Variants in TOM1L1 observed in about 807,000 individuals in gnomAD.
The protein encoded by TOM1L1 is TOM1-like protein 1.
In TOM1L1, 64 loss-of-function variants were observed where a neutral mutation model predicts 63.4. That is an observed-to-expected ratio of 1.01 (90% CI 0.83 to 1.24). TOM1L1 has a LOEUF of 1.24. Among genes scored for constraint, TOM1L1 ranks in the 50% most tolerant of loss-of-function variants. The probability of loss-of-function intolerance (pLI) is 0.00; values close to 1 mark genes in which losing one functional copy is unlikely to be tolerated. For synonymous variants in TOM1L1, 166 were observed against 194.4 expected (o/e 0.85, Z 1.22); for missense variants, 536 against 567.0 (o/e 0.95, Z 0.55).
chr17:54,953,544 C>T (rs537257711), intron 14 of TOM1L1: 1 of 152,426 alleles, frequency 6.6e-6, no homozygotes, highest in South Asian at 2.1e-4. Context: ...CCTTCCCTCT[C>T]TGGGGATGAT....
At chr17:54,931,957 TTTGTTTG>T (rs142467175) in intron 8 of TOM1L1, among the ~76,000 whole-genome samples, 41,472 of 120,316 alleles carry the variant, frequency 0.34, 5,761 homozygotes, top group East Asian at 0.4. Context: ...TCGTTTTTTT[TTTGTTTG>T]TTTGTTTGTT....
At chr17:54,929,360 T>C (rs889548093) in intron 7 of TOM1L1, among the ~76,000 whole-genome samples, 53 of 151,120 alleles carry the variant, frequency 3.5e-4, no homozygotes. Context: ...TGTAGATGGC[T>C]CTGATGCTTA....
At chr17:54,920,750 G>GA (rs2048670460) in intron 7 of TOM1L1, among the ~76,000 whole-genome samples, 1 of 152,082 alleles carries the variant, frequency 6.6e-6, no homozygotes, top group Non-Finnish European at 1.5e-5. Context: ...GTCAAGGCCA[G>GA]AAAAAAGGAC....
rs1344479772 is a variant in TOM1L1, at chr17:54,930,055, C to G, written c.721-18C>G. ...GTTCCAAGTGTGGAAGAAGAAATCT[C>G]TCTCCTTTCTTTGACAGAAACTCTA... is the stretch of plus-strand genomic sequence containing the variant. On this transcript the variant is annotated intron_variant, in intron 7 of 15. Coordinates refer to ENST00000575882, the MANE Select transcript of TOM1L1 (RefSeq NM_005486.3). 31 of 1,613,744 alleles carry G rather than the reference C, an allele frequency of 1.9e-5. No individual in the cohort carries two copies. The highest frequency in any genetic ancestry group is 2.5e-5 in the Non-Finnish European group (29 of 1,179,874).
At chr17:54,953,472 T>C (rs1225153991) in intron 14 of TOM1L1, 1 of 152,346 alleles carries the variant, frequency 6.6e-6, no homozygotes, top group East Asian at 1.9e-4. Flanking sequence ...GGGAGCCCCA[T>C]GTCCCCATCC....
At chr17:54,903,874 G>C in intron 2 of TOM1L1, 82 bp downstream of exon 2, 1 of 1,317,186 alleles carries the variant, frequency 7.6e-7, no homozygotes, top group Non-Finnish European at 1.1e-6. Flanking sequence ...CAAATATTTC[G>C]GTTTTGTTGT....
chr17:54,908,448 A>T (rs949188981), intron 3 of TOM1L1, among the ~76,000 whole-genome samples: 1 of 152,246 alleles, frequency 6.6e-6, no homozygotes, highest in Non-Finnish European at 1.5e-5. Flanking sequence ...GGAGTCACCT[A>T]TGTCTGTCAA....
chr17:54,959,361 C>A (rs987926512), intron 14 of TOM1L1: 1 of 152,050 alleles, frequency 6.6e-6, no homozygotes, highest in Non-Finnish European at 1.5e-5. Context: ...GCCTCTAATC[C>A]CAACATTTTG....
chr17:54,910,769 T>C (rs1162302059), intron 3 of TOM1L1, among the ~76,000 whole-genome samples: 10 of 152,262 alleles, frequency 6.6e-5, no homozygotes, highest in Admixed American at 3.9e-4. Flanking sequence ...GTTTTCCCTG[T>C]GTTTCACACA....
At chr17:54,946,386 T>C (rs190382319) in intron 11 of TOM1L1, among the ~76,000 whole-genome samples, 6 of 152,206 alleles carry the variant, frequency 3.9e-5, no homozygotes, top group Non-Finnish European at 7.3e-5. Context: ...AGTTACCCTA[T>C]GATACCACAC....
chr17:54,943,431 T>C (rs2143928091), intron 11 of TOM1L1, among the ~76,000 whole-genome samples: 1 of 144,882 alleles, frequency 6.9e-6, no homozygotes, highest in Admixed American at 7.2e-5. Flanking sequence ...TGACTGTATC[T>C]TTGTATAATG....
chr17:54,932,315 C>T (rs902836587), intron 8 of TOM1L1, among the ~76,000 whole-genome samples: 1 of 152,106 alleles, frequency 6.6e-6, no homozygotes, highest in African/African-American at 2.4e-5. Flanking sequence ...TAGATCGGAA[C>T]AAAACAGGAT....
At chr17:54,920,387 A>G (rs2048664635) in intron 7 of TOM1L1, among the ~76,000 whole-genome samples, 1 of 152,186 alleles carries the variant, frequency 6.6e-6, no homozygotes, top group Non-Finnish European at 1.5e-5. Flanking sequence ...AGCTTGCCAA[A>G]ATTTACATCC....
At chr17:54,900,946 G>T in intron 1 of TOM1L1, 23 bp downstream of exon 1, 1 of 1,613,592 alleles carries the variant, frequency 6.2e-7, no homozygotes, top group East Asian at 2.2e-5. Flanking sequence ...GGGGAGAGAC[G>T]CCCAGGCAGG....
chr17:54,958,748 A>AGG (rs57608062), intron 14 of TOM1L1, among the ~76,000 whole-genome samples: 2 of 118,928 alleles, frequency 1.7e-5, no homozygotes, highest in Admixed American at 9.2e-5. Flanking sequence ...AAAAAAAAAA[A>AGG]GGGGTTGTTG....
chr17:54,912,595 G>C (rs868131415), intron 3 of TOM1L1, 71 bp from the exon 4 acceptor site: 13 of 1,331,948 alleles, frequency 9.8e-6, no homozygotes, highest in Middle Eastern at 4.3e-4. Flanking sequence ...TTATTTAGCA[G>C]TTTTTCCCTT....
chr17:54,917,175 C>T (rs1019973822), intron 7 of TOM1L1: 3 of 151,848 alleles, frequency 2.0e-5, no homozygotes, highest in African/African-American at 7.3e-5. Flanking sequence ...GCTTTTTTGC[C>T]TTATCAACTT....
intron 1 of TOM1L1, 41 bp downstream of exon 1, chr17:54,900,964 C>T (rs370158284): frequency 5.6e-6 from 9 of 1,612,472 alleles, no homozygotes; most frequent in Non-Finnish European, 7.6e-6. Flanking sequence ...AGGCAGGGGA[C>T]CGTGGGATCC....
intron 14 of TOM1L1, chr17:54,954,606 C>A (rs1598072832): frequency 6.6e-6 from 1 of 152,338 alleles, no homozygotes; most frequent in East Asian, 1.9e-4. Flanking sequence ...GTGGACTATG[C>A]CCCTGTATTG....
Sources: gnomAD v4.1 joint callset for allele counts (sites outside exome capture counted in the v4.1 genomes callset) on GRCh38, gnomAD v4.1.1 for gene constraint, MANE v1.5 for transcripts, NCBI Gene and HGNC (gene_info 2026-07-23, HGNC 2026-07-21) for gene names.